TENM3: variants seen among roughly 807,000 people sequenced by gnomAD.
The protein encoded by TENM3 is teneurin transmembrane protein 3.
TENM3 carries 63 observed loss-of-function variants against 255.1 expected under a neutral mutation model. The observed-to-expected ratio is 0.25, with a 90% CI of 0.20 to 0.30. The LOEUF (loss-of-function observed/expected upper bound fraction) is 0.30, where lower values mean the gene tolerates loss of function less well. Among genes scored for constraint, TENM3 ranks in the 10% least tolerant of loss-of-function variants. The pLI is 1.00. For missense variants in TENM3, 2,929 were observed against 3,461.1 expected (o/e 0.85, Z 3.86); for synonymous variants, 1,306 against 1,322.3 (o/e 0.99, Z 0.27).
chr4:181,771,414 G>T, the TENM3 span, among the ~76,000 whole-genome samples: 1 of 152,186 alleles, frequency 6.6e-6, no homozygotes. Context: ...TAGACCAGTG[G>T]CTGCCAAGGG....
chr4:181,836,694 C>A, the TENM3 span, among the ~76,000 whole-genome samples: 1 of 152,198 alleles, frequency 6.6e-6, no homozygotes, highest in Non-Finnish European at 1.5e-5. Flanking sequence ...CTGATAAAGC[C>A]AGTGCCCTCC....
chr4:181,490,739 A>C, the TENM3 span, among the ~76,000 whole-genome samples: 1 of 152,306 alleles, frequency 6.6e-6, no homozygotes, highest in Admixed American at 6.5e-5. Flanking sequence ...TATCAGTAAT[A>C]ACTTACATTA....
intron 1 of TENM3, among the ~76,000 whole-genome samples, chr4:182,161,638 TGTATATATATATATACACACAC>T (rs1751206385): frequency 1.2e-5 from 1 of 85,908 alleles, no homozygotes; most frequent in East Asian, 6.2e-4. Context: ...AATATATATA[TGTATATATATATATACACACAC>T]ACAAATATAT....
At chr4:181,753,591 T>G in the TENM3 span, among the ~76,000 whole-genome samples, 2 of 152,156 alleles carry the variant, frequency 1.3e-5, no homozygotes, top group Non-Finnish European at 2.9e-5. Context: ...TACAGGTTGG[T>G]GCTTTGGCAT....
the TENM3 span, among the ~76,000 whole-genome samples, chr4:181,733,931 C>A: frequency 6.6e-6 from 1 of 152,098 alleles, no homozygotes; most frequent in African/African-American, 2.4e-5. Context: ...AGAAAAAGTT[C>A]TTTGTTTGCG....
chr4:181,965,264 T>C, the TENM3 span, among the ~76,000 whole-genome samples: 1 of 152,184 alleles, frequency 6.6e-6, no homozygotes. Context: ...CTTTCGTCTT[T>C]CTGCTTCTCC....
intron 19 of TENM3, chr4:182,744,120 T>TTAAAA: frequency 1.6e-6 from 1 of 630,890 alleles, no homozygotes; most frequent in Non-Finnish European, 2.0e-6. Context: ...TTTTTTTACC[T>TTAAAA]TTTTTTATCT....
intron 1 of TENM3, among the ~76,000 whole-genome samples, chr4:182,247,016 G>A (rs547896696): frequency 2.4e-4 from 36 of 152,314 alleles, no homozygotes; most frequent in African/African-American, 8.4e-4. Flanking sequence ...GGAACCAGCC[G>A]TGTGGGCAGC....
Position 182,537,624 on chromosome 4 carries a change from C to T in TENM3, c.512-63300C>T, listed in dbSNP as rs77909908. 4.6e-3 allele frequency among the ~76,000 whole-genome samples: 695 copies of T among 152,288 alleles called. 7 individuals are homozygous for T. Among genetic ancestry groups the T allele is most frequent in the African/African-American group, 0.015 (638 of 41,536 alleles). On this transcript the variant is annotated intron_variant, in intron 3 of 27. Transcript: ENST00000511685. ...CTCTCCTTCCTTCTCACCATGAAAA[C>T]GTCTTCTGCCCTTTTTCAAAAGTTT...
In TENM3 at chr4:182,343,264, T is replaced by C. The variant is rs547735538; in HGVS notation, c.233-3387T>C. On this transcript the variant is annotated intron_variant, in intron 2 of 27. Transcript: ENST00000511685. ...TTGTTCTTGCTACAATTTATTGTTT[T>C]GGTCCTGTTTCAAATTGTAATGGGA... Among the ~76,000 whole-genome samples, 3 of 152,340 alleles carry C rather than the reference T, an allele frequency of 2.0e-5. No homozygotes were observed. In the South Asian group the frequency reaches 6.2e-4, roughly 32 times the overall value.
the TENM3 span, among the ~76,000 whole-genome samples, chr4:181,474,902 T>C: frequency 0.2 from 30,503 of 152,010 alleles, 3,261 homozygotes; most frequent in Middle Eastern, 0.24. Flanking sequence ...CCACCTCATA[T>C]TCCCCACCTA....
chr4:182,719,501 C>T (rs1427236961), intron 13 of TENM3, among the ~76,000 whole-genome samples: 4 of 151,832 alleles, frequency 2.6e-5, no homozygotes, highest in South Asian at 4.2e-4. Flanking sequence ...CCTTGTGATC[C>T]GCCCCCCTCG....
At chr4:181,466,943 T>C in the TENM3 span, among the ~76,000 whole-genome samples, 1 of 151,288 alleles carries the variant, frequency 6.6e-6, no homozygotes, top group Admixed American at 6.6e-5. Context: ...TGGTGCTATT[T>C]TTAGGAAAAT....
intron 5 of TENM3, among the ~76,000 whole-genome samples, chr4:182,636,946 TCTC>T (rs1456257425): frequency 4.6e-5 from 7 of 152,192 alleles, no homozygotes; most frequent in Non-Finnish European, 1.0e-4. Context: ...CGTAGCAACA[TCTC>T]CTAATGACAA....
intron 1 of TENM3, among the ~76,000 whole-genome samples, chr4:182,319,077 G>T (rs1405885866): frequency 6.6e-6 from 1 of 152,118 alleles, no homozygotes; most frequent in African/African-American, 2.4e-5. Flanking sequence ...CAATCAAAAG[G>T]TTTCTTTTGT....
intron 3 of TENM3, among the ~76,000 whole-genome samples, chr4:182,388,469 T>C (rs1314876505): frequency 6.6e-6 from 1 of 152,244 alleles, no homozygotes; most frequent in African/African-American, 2.4e-5. Flanking sequence ...AACAGTCTTG[T>C]GAATTGTGCT....
chr4:181,890,728 G>T, the TENM3 span, among the ~76,000 whole-genome samples: 1 of 151,954 alleles, frequency 6.6e-6, no homozygotes, highest in Non-Finnish European at 1.5e-5. Context: ...TTACTTAAAG[G>T]GGCCCCAACC....
chr4:182,425,879 A>C (rs1337384545), intron 3 of TENM3, among the ~76,000 whole-genome samples: 1 of 151,886 alleles, frequency 6.6e-6, no homozygotes, highest in Non-Finnish European at 1.5e-5. Context: ...GTCGTGGCAC[A>C]CACCTGTAAT....
chr4:182,100,903 G>A, the TENM3 span, among the ~76,000 whole-genome samples: 54 of 131,080 alleles, frequency 4.1e-4, 2 homozygotes, highest in African/African-American at 1.5e-3. Context: ...AATTAGCCAG[G>A]CATGGTGGTG....
Sources: gnomAD v4.1 joint callset for allele counts (sites outside exome capture counted in the v4.1 genomes callset) on GRCh38, gnomAD v4.1.1 for gene constraint, MANE v1.5 for transcripts, NCBI Gene and HGNC (gene_info 2026-07-23, HGNC 2026-07-21) for gene names.